TP53TG5: variants seen among roughly 807,000 people sequenced by gnomAD.
TP53TG5 encodes TP53-target gene 5 protein.
Under a neutral mutation model 30.0 loss-of-function variants are expected in TP53TG5, and 17 were observed. The ratio of observed to expected loss-of-function variants is 0.57; its 90% CI spans 0.39 to 0.85. TP53TG5 has a LOEUF of 0.85. TP53TG5 is among the 40% of genes least tolerant of loss of function. The probability of loss-of-function intolerance (pLI) is 0.00; values close to 1 mark genes in which losing one functional copy is unlikely to be tolerated. For missense variants in TP53TG5, 338 were observed against 367.9 expected (o/e 0.92, Z 0.67); for synonymous variants, 137 against 139.2 (o/e 0.98, Z 0.11).
chr20:45,375,236 G>C lies in TP53TG5; in HGVS notation c.571C>G (p.Arg191Gly). 6.2e-7 allele frequency: 1 copy of C among 1,614,166 alleles called. No individual in the cohort carries two copies. The highest frequency in any genetic ancestry group is 8.5e-7 in the Non-Finnish European group (1 of 1,180,032). Reference protein sequence around the residue: ...GPRVIFIKPYRNRTPMGHMKQ... With the variant: ...GPRVIFIKPYGNRTPMGHMKQ... ...ATGTGCCCCATGGGAGTTCTATTGC[G>C]GTAGGGCTTAATGAAGATGACTCGG... is the stretch of plus-strand genomic sequence containing the variant. Residue 191 changes from arginine (R) to glycine (G), a missense_variant, in exon 4 of 5, where the codon CGC (arginine) becomes GGC (glycine). Arg to Gly is a moderately radical substitution (Grantham distance 125). Transcript: ENST00000372726.
At chr20:45,378,004 G>C (rs1429665189) in intron 1 of TP53TG5, among the ~76,000 whole-genome samples, 185 bp downstream of exon 1, 1 of 152,176 alleles carries the variant, frequency 6.6e-6, no homozygotes, top group African/African-American at 2.4e-5. Flanking sequence ...CCAATCCTAG[G>C]CTGGGAGTTT....
rs548702847 is a variant in TP53TG5 at position 45,373,720 on chromosome 20, G to A, written c.*187C>T. ...TCAGGAGACTAGCTCGCGGAGGTGG[G>A]GGAGGGGTGCTGCTCGCTGGCTTCT... On this transcript the variant is annotated 3_prime_UTR_variant, in exon 5 of 5. Coordinates refer to ENST00000372726, the MANE Select transcript of TP53TG5 (RefSeq NM_014477.3). 1 of 608,496 alleles carries A rather than the reference G, an allele frequency of 1.6e-6. No homozygotes were observed. Among genetic ancestry groups the A allele is most frequent in the African/African-American group, 1.8e-5 (1 of 54,172 alleles). 37.7% of individuals were successfully genotyped at this position (608,496 alleles called of 1,614,324 possible). A position where few individuals can be genotyped will look rare whatever the true frequency, so the allele number is the denominator to read the frequency against.
intron 4 of TP53TG5, 151 bp downstream of exon 4, chr20:45,374,888 C>A: frequency 1.9e-6 from 2 of 1,068,660 alleles, no homozygotes; most frequent in East Asian, 2.4e-5. Flanking sequence ...AAGGCTTCCC[C>A]CTCTCTGGAC....
chr20:45,376,585 A>T (rs1386637091), intron 3 of TP53TG5: 2 of 152,220 alleles, frequency 1.3e-5, no homozygotes, highest in Admixed American at 1.3e-4. Flanking sequence ...TTATCTGTAA[A>T]ACTAGGATAA....
rs1249467322 is a variant in TP53TG5, at chr20:45,377,203, C to G, written c.254+9G>C. ...TTGGGTCCATTATGGGGGCCAGGCC[C>G]CAGCTTACCCAGAGGAGATGCGGAG... is the stretch of plus-strand genomic sequence containing the variant. On this transcript the variant is annotated intron_variant, in intron 3 of 4. Transcript: ENST00000372726. The G allele has an allele frequency of 3.7e-6, 6 of 1,613,298 alleles. 1 individual carries two copies. In the South Asian group the frequency reaches 6.6e-5, roughly 18 times the overall value.
chr20:45,373,080 G>C lies in TP53TG5; in HGVS notation c.*827C>G, dbSNP rs1008997224. 4 of 152,458 alleles carry C rather than the reference G, an allele frequency of 2.6e-5. No homozygotes were observed. The highest frequency in any genetic ancestry group is 4.4e-5 in the Non-Finnish European group (3 of 68,246). 9.4% of individuals were successfully genotyped at this position (152,458 alleles called of 1,614,324 possible). On this transcript the variant is annotated 3_prime_UTR_variant, in exon 5 of 5. Transcript: ENST00000372726. ...CGAGGGCGCCCACTCCATGCAGCCT[G>C]CCTCTGGGGAATATGGAGGTCTTCG... is the stretch of plus-strand genomic sequence containing the variant.
chr20:45,374,083 G>T (rs1988643498), intron 4 of TP53TG5, 72 bp from the exon 5 acceptor site: 1 of 1,426,378 alleles, frequency 7.0e-7, no homozygotes, highest in Non-Finnish European at 9.8e-7. Context: ...GGGAGCGGGC[G>T]CAGGGACAAG....
rs1488942343 is a variant in TP53TG5 at position 45,373,896 on chromosome 20, T to C, written c.*11A>G. 3 of 1,611,778 alleles carry C rather than the reference T, an allele frequency of 1.9e-6. No homozygotes were observed. The highest frequency in any genetic ancestry group is 1.7e-5 in the Admixed American group (1 of 60,012). On this transcript the variant is annotated 3_prime_UTR_variant, in exon 5 of 5. Coordinates refer to ENST00000372726, the MANE Select transcript of TP53TG5 (RefSeq NM_014477.3). ...TAAGCAGTATTCGTCTTAGGTGCCA[T>C]ATGGAAGATCTTATTTGTAGACTCG...
At chr20:45,374,676 T>C in intron 4 of TP53TG5, 1 of 424,268 alleles carries the variant, frequency 2.4e-6, no homozygotes. Flanking sequence ...CTTGACCATC[T>C]CCCCCCTCCC....
intron 4 of TP53TG5, chr20:45,374,219 G>A: frequency 1.5e-6 from 1 of 684,138 alleles, no homozygotes; most frequent in South Asian, 1.6e-5. Context: ...CGAAAGGGCT[G>A]CGGTATTTTC....
chr20:45,377,857 A>T (rs1988780427), intron 1 of TP53TG5, among the ~76,000 whole-genome samples: 1 of 152,100 alleles, frequency 6.6e-6, no homozygotes, highest in African/African-American at 2.4e-5. Context: ...CAGGAGAATC[A>T]CTTGAACCCA....
Position 45,375,516 on chromosome 20 carries a change from ATTATTTTGTTTTGTT to A in TP53TG5, c.276_290del (p.Lys92_Asn96del), listed in dbSNP as rs1344403003. The A allele has an allele frequency of 3.2e-5, 9 of 284,698 alleles. No homozygotes were observed. Among genetic ancestry groups the A allele is most frequent in the Non-Finnish European group, 5.9e-5 (9 of 153,288 alleles). The allele number at this position is 284,698 out of a possible 1,614,324, so 17.6% of individuals were successfully genotyped here. A position where few individuals can be genotyped will look rare whatever the true frequency, so the allele number is the denominator to read the frequency against. ...AGCACCCGATCTCCTGGAACTCTTC[ATTATTTTGTTTTGTT>A]TTATTGCAGGCACTGTTTTCCCTGG... On this transcript the variant is annotated inframe_deletion, in exon 4 of 5. Transcript: ENST00000372726.
In TP53TG5 at chr20:45,375,423, C is replaced by T. The variant is rs773582604; in HGVS notation, c.384G>A (p.Glu128=). ...TGDPKKKEYK[E]WKSQVQSGMR... is the part of the protein sequence containing the mutation. ...TCCCTGACTGCACCTGGGACTTCCA[C>T]TCCTTGTACTCTTTTTTCTTAGGGT... Residue 128 remains glutamate (E), a synonymous_variant, in exon 4 of 5, where the codon GAG becomes GAA. Transcript: ENST00000372726. The T allele has an allele frequency of 1.2e-6, 2 of 1,614,182 alleles. No homozygotes were observed. Among genetic ancestry groups the T allele is most frequent in the Non-Finnish European group, 1.7e-6 (2 of 1,180,030 alleles).
intron 4 of TP53TG5, 111 bp from the exon 5 acceptor site, chr20:45,374,122 T>C: frequency 1.0e-6 from 1 of 986,136 alleles, no homozygotes; most frequent in Admixed American, 1.9e-5. Context: ...AGGTTGGAAA[T>C]GCCTTTGCTA....
chr20:45,377,520 C>T lies in TP53TG5; in HGVS notation c.123+19G>A. 5 of 1,613,628 alleles carry T rather than the reference C, an allele frequency of 3.1e-6. No homozygotes were observed. Among genetic ancestry groups the T allele is most frequent in the Non-Finnish European group, 4.2e-6 (5 of 1,179,884 alleles). ...GTATATGAGCTTCCCCAAGCTGGGGCCAAAACAGGGCGTCTCACCGTTCTC... is the reference window on the plus strand; with the variant it reads ...GTATATGAGCTTCCCCAAGCTGGGGTCAAAACAGGGCGTCTCACCGTTCTC... On this transcript the variant is annotated intron_variant, in intron 2 of 4. Coordinates refer to ENST00000372726, the MANE Select transcript of TP53TG5 (RefSeq NM_014477.3).
chr20:45,378,081 A>G, intron 1 of TP53TG5, 108 bp downstream of exon 1: 1 of 1,490,424 alleles, frequency 6.7e-7, no homozygotes, highest in Non-Finnish European at 9.3e-7. Flanking sequence ...TTCACCCTTC[A>G]CCTTTTCCTT....
intron 1 of TP53TG5, 40 bp downstream of exon 1, chr20:45,378,149 C>G: frequency 6.2e-7 from 1 of 1,613,732 alleles, no homozygotes; most frequent in Non-Finnish European, 8.5e-7. Flanking sequence ...TTAAGGTCCC[C>G]TCTAGGGACT....
intron 4 of TP53TG5, chr20:45,374,416 C>T (rs544611177): frequency 1.4e-4 from 82 of 585,354 alleles, no homozygotes; most frequent in African/African-American, 1.3e-3. Flanking sequence ...ATACTACAAG[C>T]GCAAGGCACC....
intron 4 of TP53TG5, 112 bp downstream of exon 4, chr20:45,374,927 G>A (rs1410672218): frequency 2.1e-6 from 3 of 1,434,138 alleles, no homozygotes; most frequent in Non-Finnish European, 1.9e-6. Flanking sequence ...AGCACTACCA[G>A]CCACACACCA....
Sources: allele counts gnomAD v4.1 joint callset (sites outside exome capture counted in the v4.1 genomes callset), GRCh38; gene constraint gnomAD v4.1.1; transcripts MANE v1.5; gene names NCBI Gene and HGNC (gene_info 2026-07-23, HGNC 2026-07-21).